TAS1R1: variants seen among roughly 807,000 people sequenced by gnomAD.
The protein encoded by TAS1R1 is taste receptor type 1 member 1.
Under a neutral mutation model 45.8 loss-of-function variants are expected in TAS1R1, and 31 were observed. That is an observed-to-expected ratio of 0.68 (90% CI 0.51 to 0.91). The LOEUF (loss-of-function observed/expected upper bound fraction) is 0.91, where lower values mean the gene tolerates loss of function less well. TAS1R1 is among the 40% of genes least tolerant of loss of function. The pLI, the probability that TAS1R1 is intolerant of heterozygous loss-of-function variation, is 0.00. For synonymous variants in TAS1R1, 437 were observed against 448.4 expected, an observed-to-expected ratio of 0.97 and a Z score of 0.32; for missense variants, 1,051 against 1,063.9, an observed-to-expected ratio of 0.99 and a Z score of 0.17.
Position 6,555,403 on chromosome 1 carries a change from C to A in TAS1R1, c.30C>A (p.Gly10=). 1 of 1,604,614 alleles carries A rather than the reference C, an allele frequency of 6.2e-7. No homozygotes were observed. Among genetic ancestry groups the A allele is most frequent in the Admixed American group, 1.7e-5 (1 of 59,260 alleles). Residue 10 remains glycine (G), a synonymous_variant, in exon 1 of 6, where the codon GGC becomes GGA. Coordinates refer to ENST00000333172, the MANE Select transcript of TAS1R1 (RefSeq NM_138697.4). MLLCTARLV[G]LQLLISCCWA... ...TGCTCTGCACGGCTCGCCTGGTCGG[C>A]CTGCAGCTTCTCATTTCCTGCTGCT... is the stretch of plus-strand genomic sequence containing the variant.
At chr1:6,575,498 C>T (rs1640144322) in intron 3 of TAS1R1, 106 bp downstream of exon 3, 1 of 1,279,332 alleles carries the variant, frequency 7.8e-7, no homozygotes, top group Non-Finnish European at 1.0e-6. Context: ...GGATAAATGC[C>T]ACTAACTTGA....
rs770363613 is a variant in TAS1R1, at chr1:6,555,866, CT to C, written c.191+325del. On this transcript the variant is annotated intron_variant, in intron 1 of 5. Transcript: ENST00000333172. ...AAGCAAGGGCAGCTTTTTCCCTCTTCTTTTTTTTTTTTTTTTTTTTTTTGAG... is the reference window on the plus strand; with the variant it reads ...AAGCAAGGGCAGCTTTTTCCCTCTTCTTTTTTTTTTTTTTTTTTTTTTGAG... Among the ~76,000 whole-genome samples, 51 of 95,330 alleles carry C rather than the reference CT, an allele frequency of 5.3e-4. No individual in the cohort carries two copies. The East Asian group carries it at 0.015, about 29-fold the overall frequency. The allele number at this position is 95,330 out of a possible 152,430, so 62.5% of individuals were successfully genotyped here.
At position 6,576,948 on chromosome 1, in the gene TAS1R1, A is replaced by G. The variant is rs763733821; in HGVS notation, c.1474-2A>G. ...ACGTGTGGCCCCTCTGGCTTCTTAC[A>G]GGTGCCTAAGTCTGTGTGTTCCAGC... is the stretch of plus-strand genomic sequence containing the variant. On this transcript the variant is annotated splice_acceptor_variant, in intron 4 of 5. Coordinates refer to ENST00000333172, the MANE Select transcript of TAS1R1 (RefSeq NM_138697.4). LOFTEE classifies it high-confidence loss of function. The G allele has an allele frequency of 1.2e-5, 20 of 1,614,102 alleles. No individual in the cohort carries two copies. Among genetic ancestry groups the G allele is most frequent in the African/African-American group, 1.3e-5 (1 of 74,936 alleles).
Position 6,574,589 on chromosome 1 carries a change from C to A in TAS1R1, c.499-42C>A. The A allele has an allele frequency of 6.4e-7, 1 of 1,559,380 alleles. No homozygotes were observed. Among genetic ancestry groups the A allele is most frequent in the Non-Finnish European group, 8.7e-7 (1 of 1,150,266 alleles). On this transcript the variant is annotated intron_variant, in intron 2 of 5. Coordinates refer to ENST00000333172, the MANE Select transcript of TAS1R1 (RefSeq NM_138697.4). The surrounding 1 kb of genome is among the most constrained non-coding windows in gnomAD (Gnocchi z 4.3). ...AGCACAGGGCCAGGCACTGGGGGGG[C>A]CTTCAGTGGAGACTGAAATGGCTGA... is the stretch of plus-strand genomic sequence containing the variant.
chr1:6,565,054 G>C (rs943161738), intron 1 of TAS1R1, among the ~76,000 whole-genome samples: 59 of 152,158 alleles, frequency 3.9e-4, no homozygotes, highest in African/African-American at 1.3e-3. Flanking sequence ...CACCGATATG[G>C]AAGGATTAGT....
At chr1:6,571,744 T>C (rs1344484924) in intron 2 of TAS1R1, among the ~76,000 whole-genome samples, 1 of 152,150 alleles carries the variant, frequency 6.6e-6, no homozygotes, top group Non-Finnish European at 1.5e-5. Context: ...TGCTGGAATC[T>C]GGGAGGTGGA....
At position 6,574,753 on chromosome 1, in the gene TAS1R1, G is replaced by A. The variant is rs1309778985; in HGVS notation, c.621G>A (p.Gly207=). 4 of 1,614,272 alleles carry A rather than the reference G, an allele frequency of 2.5e-6. No individual in the cohort carries two copies. Among genetic ancestry groups the A allele is most frequent in the Non-Finnish European group, 3.4e-6 (4 of 1,180,054 alleles). The change falls in exon 3 of 6, where the codon GGG becomes GGA. Residue 207 remains glycine, a synonymous_variant. Coordinates refer to ENST00000333172, the MANE Select transcript of TAS1R1 (RefSeq NM_138697.4). The surrounding 1 kb of genome is among the most constrained non-coding windows in gnomAD (Gnocchi z 4.3). ...TGGTGCTGCTGCTGCAGAAGTTCGGGTGGACCTGGATCTCTCTGGTTGGCA... is the reference window on the plus strand; with the variant it reads ...TGGTGCTGCTGCTGCAGAAGTTCGGATGGACCTGGATCTCTCTGGTTGGCA... ...ETMVLLLQKF[G]WTWISLVGSS... is the part of the protein sequence containing the mutation.
chr1:6,556,657 C>T (rs1267386520), intron 1 of TAS1R1, among the ~76,000 whole-genome samples: 1 of 151,984 alleles, frequency 6.6e-6, no homozygotes, highest in Non-Finnish European at 1.5e-5. Flanking sequence ...CCACCTCGGC[C>T]TCCCAAAGTG....
chr1:6,579,071 C>A lies in TAS1R1; in HGVS notation c.2013C>A (p.His671Gln), dbSNP rs547512169. The change falls in exon 6 of 6, where the codon CAC becomes CAA. Residue 671 changes from histidine to glutamine, a missense_variant. Physicochemically the swap from His to Gln is conservative, Grantham distance 24. Coordinates refer to ENST00000333172, the MANE Select transcript of TAS1R1 (RefSeq NM_138697.4). ...KFSTKVPTFY[H>Q]AWVQNHGAGL... ...CCACCAAGGTACCTACATTCTACCA[C>A]GCCTGGGTCCAAAACCACGGTGCTG... 3.7e-6 allele frequency: 6 copies of A among 1,613,620 alleles called. No individual in the cohort carries two copies. Among genetic ancestry groups the A allele is most frequent in the Non-Finnish European group, 3.4e-6 (4 of 1,179,598 alleles).
At chr1:6,564,934 G>T (rs752473334) in intron 1 of TAS1R1, among the ~76,000 whole-genome samples, 1 of 151,924 alleles carries the variant, frequency 6.6e-6, no homozygotes, top group Non-Finnish European at 1.5e-5. Context: ...GCGGAGCGCC[G>T]CTTGGGAGGA....
chr1:6,560,280 A>G (rs567122697), intron 1 of TAS1R1, among the ~76,000 whole-genome samples: 1 of 152,290 alleles, frequency 6.6e-6, no homozygotes, highest in South Asian at 2.1e-4. Flanking sequence ...CTGGGCAACA[A>G]GAGCGAAACT....
chr1:6,578,692 C>T lies in TAS1R1; in HGVS notation c.1634C>T (p.Ala545Val), dbSNP rs1640261337. Residue 545 changes from alanine (A) to valine (V), a missense_variant, in exon 6 of 6, where the codon GCA (alanine) becomes GTA (valine). Ala to Val is a moderately conservative substitution (Grantham distance 64). Transcript: ENST00000333172. ...CAGCCTTGTGGGAAAGAAGAGTGGG[C>T]ACCTGAGGGAAGCCAGACCTGCTTC... is the stretch of plus-strand genomic sequence containing the variant. ...RCQPCGKEEW[A>V]PEGSQTCFPR... The T allele has an allele frequency of 6.3e-7, 1 of 1,599,346 alleles. No individual in the cohort carries two copies. The highest frequency in any genetic ancestry group is 1.1e-5 in the South Asian group (1 of 88,906).
chr1:6,559,224 T>C (rs1293192632), intron 1 of TAS1R1, among the ~76,000 whole-genome samples: 1 of 144,152 alleles, frequency 6.9e-6, no homozygotes, highest in Non-Finnish European at 1.5e-5. Context: ...AAGACAGGGT[T>C]TCACTATGTT....
At position 6,570,937 on chromosome 1, in the gene TAS1R1, C is replaced by A. The variant is rs775574784; in HGVS notation, c.220C>A (p.His74Asn). ...RSCSFNEHGY[H>N]LFQAMRLGVE... ...TTGTAGCTTCAATGAGCATGGCTAC[C>A]ACCTCTTCCAGGCTATGCGGCTTGG... Residue 74 changes from histidine to asparagine, a missense_variant, in exon 2 of 6, where the codon CAC (histidine) becomes AAC (asparagine). By Grantham distance (68) the His-to-Asn change is moderately conservative. Transcript: ENST00000333172. The A allele has an allele frequency of 1.2e-6, 2 of 1,608,842 alleles. No individual in the cohort carries two copies. The highest frequency in any genetic ancestry group is 1.1e-5 in the South Asian group (1 of 89,954).
intron 5 of TAS1R1, among the ~76,000 whole-genome samples, chr1:6,578,239 G>T (rs1300144512): frequency 1.3e-5 from 2 of 152,184 alleles, no homozygotes; most frequent in African/African-American, 4.8e-5. Context: ...TCCTCAGAGG[G>T]TCAGGACTCA....
chr1:6,572,080 G>A (rs1418922002), intron 2 of TAS1R1, among the ~76,000 whole-genome samples: 1 of 151,880 alleles, frequency 6.6e-6, no homozygotes, highest in African/African-American at 2.4e-5. Context: ...CCCTCTTCCA[G>A]GCCCTCTACC....
In TAS1R1 at chr1:6,566,297, G is replaced by C. The variant is rs577054162; in HGVS notation, c.192-4612G>C. Among the ~76,000 whole-genome samples the C allele has an allele frequency of 3.9e-5, 6 of 152,260 alleles. No homozygotes were observed. In the South Asian group the frequency reaches 1.2e-3, roughly 32 times the overall value. ...AAGAGGTTTTGGGAATCAGGATGTAGGGAAATAGTAAAGAAGTCATCTTTT... is the reference window on the plus strand; with the variant it reads ...AAGAGGTTTTGGGAATCAGGATGTACGGAAATAGTAAAGAAGTCATCTTTT... On this transcript the variant is annotated intron_variant, in intron 1 of 5. Coordinates refer to ENST00000333172, the MANE Select transcript of TAS1R1 (RefSeq NM_138697.4).
intron 3 of TAS1R1, 37 bp downstream of exon 3, chr1:6,575,429 A>G: frequency 6.6e-7 from 1 of 1,519,438 alleles, no homozygotes; most frequent in East Asian, 2.3e-5. Context: ...TGTCAGGGAG[A>G]ACAGCCAATC....
At chr1:6,571,552 G>C (rs1305621918) in intron 2 of TAS1R1, among the ~76,000 whole-genome samples, 1 of 152,236 alleles carries the variant, frequency 6.6e-6, no homozygotes, top group Admixed American at 6.5e-5. Context: ...CATCCTGGAC[G>C]GGCGCTGTGG....
Sources: gnomAD v4.1 joint callset for allele counts (sites outside exome capture counted in the v4.1 genomes callset) on GRCh38, gnomAD v4.1.1 for gene constraint, Gnocchi (gnomAD v3.1) non-coding constraint, MANE v1.5 for transcripts, NCBI Gene and HGNC (gene_info 2026-07-23, HGNC 2026-07-21) for gene names.